NAV1: variants seen among roughly 807,000 people sequenced by gnomAD.
The protein encoded by NAV1 is neuron navigator 1.
A neutral mutation model predicts 175.2 loss-of-function variants in NAV1; 18 were observed. That is an observed-to-expected ratio of 0.10 (90% CI 0.07 to 0.15). The LOEUF is 0.15. NAV1 is among the 10% of genes least tolerant of loss of function. NAV1 has a pLI of 1.00. For missense variants in NAV1, 1,731 were observed against 2,436.6 expected (o/e 0.71, Z 6.10); for synonymous variants, 897 against 978.7 (o/e 0.92, Z 1.56).
intron 1 of NAV1, among the ~76,000 whole-genome samples, chr1:201,703,705 C>T (rs1477443583): frequency 6.6e-6 from 1 of 152,246 alleles, no homozygotes; most frequent in Non-Finnish European, 1.5e-5. Context: ...CACTTTTGCA[C>T]ACGGCTGAGC....
At chr1:201,701,214 A>G (rs938425984) in intron 1 of NAV1, among the ~76,000 whole-genome samples, 1 of 146,090 alleles carries the variant, frequency 6.8e-6, no homozygotes, top group African/African-American at 2.5e-5. Context: ...TTGAACAATG[A>G]GAACACTTGG....
rs139696850 is a variant in NAV1 at position 201,586,440 on chromosome 1, T to C, written c.-143-2099T>C. Among the ~76,000 whole-genome samples, 14 of 152,332 alleles carry C rather than the reference T, an allele frequency of 9.2e-5. No individual in the cohort carries two copies. The East Asian group carries it at 2.7e-3, about 29-fold the overall frequency. On this transcript the variant is annotated intron_variant, in intron 1 of 33. Transcript: ENST00000685211. Reference sequence around the variant, plus strand: ...ATCAATACCACCTGTATTAGCCTGCTTGGGCTGCCATAACAAAGTGCCACA... The same window carrying C: ...ATCAATACCACCTGTATTAGCCTGCCTGGGCTGCCATAACAAAGTGCCACA...
intron 2 of NAV1, among the ~76,000 whole-genome samples, chr1:201,602,661 T>G (rs1316351307): frequency 3.4e-5 from 4 of 117,868 alleles, no homozygotes; most frequent in African/African-American, 1.2e-4. Flanking sequence ...GTTTTTTTTT[T>G]TTTTGGTTTT....
chr1:201,809,834 T>C, intron 22 of NAV1, 112 bp from the exon 27 acceptor site: 2 of 1,064,568 alleles, frequency 1.9e-6, no homozygotes, highest in Non-Finnish European at 2.7e-6. Flanking sequence ...GAAAAGCATA[T>C]GCTCTGCACT....
At chr1:201,725,322 T>G (rs1335844141) in intron 3 of NAV1, among the ~76,000 whole-genome samples, 1 of 152,210 alleles carries the variant, frequency 6.6e-6, no homozygotes, top group Non-Finnish European at 1.5e-5. Flanking sequence ...GCGGGACAGC[T>G]GGGCCAGGCC....
In NAV1 at chr1:201,599,540, T is replaced by G. The variant is rs6694828; in HGVS notation, c.-33+10891T>G. ...CCCACAGGTGGTACAGAAGAATGGA[T>G]TCTCTGGCAGTTCAGAGTCTGTGGC... On this transcript the variant is annotated intron_variant, in intron 2 of 33. Transcript: ENST00000685211. Among the ~76,000 whole-genome samples the G allele has an allele frequency of 2.0e-3, 309 of 152,296 alleles. 3 individuals are homozygous for G. Among genetic ancestry groups the G allele is most frequent in the African/African-American group, 7.3e-3 (303 of 41,556 alleles).
intron 1 of NAV1, among the ~76,000 whole-genome samples, chr1:201,711,808 A>C (rs2102468802): frequency 6.6e-6 from 1 of 152,346 alleles, no homozygotes; most frequent in Non-Finnish European, 1.5e-5. Flanking sequence ...CTTAGGGCCC[A>C]GGGTGGTGCC....
At chr1:201,783,309 G>C in intron 6 of NAV1, 97 bp from the exon 11 acceptor site, 1 of 1,234,922 alleles carries the variant, frequency 8.1e-7, no homozygotes, top group South Asian at 1.4e-5. Context: ...TTAGCAAATA[G>C]GCAGAAAACA....
chr1:201,662,371 C>T (rs923529007), intron 1 of NAV1, among the ~76,000 whole-genome samples: 10 of 152,268 alleles, frequency 6.6e-5, no homozygotes, highest in Non-Finnish European at 1.5e-4. Context: ...TTCTGCACAC[C>T]TATCCTTTAG....
chr1:201,742,785 G>A (rs1453604308), intron 3 of NAV1, among the ~76,000 whole-genome samples: 1 of 152,124 alleles, frequency 6.6e-6, no homozygotes, highest in Admixed American at 6.5e-5. Flanking sequence ...CCAAGCCAAT[G>A]AGCTGCTTCT....
chr1:201,818,569 G>A (rs1679207177), intron 29 of NAV1, among the ~76,000 whole-genome samples: 1 of 150,836 alleles, frequency 6.6e-6, no homozygotes, highest in African/African-American at 2.4e-5. Flanking sequence ...TTTGGCTAGA[G>A]CAAATGCAAA....
intron 3 of NAV1, chr1:201,739,730 T>G: frequency 8.8e-7 from 1 of 1,132,124 alleles, no homozygotes; most frequent in Non-Finnish European, 1.1e-6. Flanking sequence ...CGGTGGCTCT[T>G]TGTCTACCTG....
At chr1:201,604,400 G>T (rs945643093) in intron 2 of NAV1, among the ~76,000 whole-genome samples, 5 of 152,108 alleles carry the variant, frequency 3.3e-5, no homozygotes, top group African/African-American at 1.2e-4. Flanking sequence ...TCATGGGCCG[G>T]GTGTACAACG....
chr1:201,584,653 C>T (rs1185225211), intron 1 of NAV1, among the ~76,000 whole-genome samples: 3 of 152,182 alleles, frequency 2.0e-5, no homozygotes, highest in Non-Finnish European at 4.4e-5. Flanking sequence ...TATGAAAGCC[C>T]TCCTCAGTCT....
intron 1 of NAV1, among the ~76,000 whole-genome samples, chr1:201,572,724 T>C (rs1558002369): frequency 1.3e-5 from 2 of 152,126 alleles, no homozygotes; most frequent in African/African-American, 4.8e-5. Context: ...TAGGAATGAC[T>C]GTCTTATACC....
exon 30 of NAV1, chr1:201,824,672 ATTC>A (rs1679573550): frequency 1.3e-5 from 2 of 152,134 alleles, no homozygotes; most frequent in East Asian, 1.9e-4. Flanking sequence ...TGGTTTGGTC[ATTC>A]TTCTTCATGA....
At chr1:201,728,960 A>G (rs1438194458) in intron 3 of NAV1, among the ~76,000 whole-genome samples, 3 of 152,228 alleles carry the variant, frequency 2.0e-5, no homozygotes, top group Non-Finnish European at 4.4e-5. Context: ...AGTGTGTCCT[A>G]GTAACCTACA....
chr1:201,688,211 C>T (rs1670757027), intron 1 of NAV1: 1 of 152,392 alleles, frequency 6.6e-6, no homozygotes, highest in South Asian at 2.1e-4. Flanking sequence ...CCCTGTGTGC[C>T]AGGCCTTGGA....
chr1:201,734,414 A>G (rs1226534462), intron 3 of NAV1, among the ~76,000 whole-genome samples: 1 of 150,574 alleles, frequency 6.6e-6, no homozygotes, highest in East Asian at 1.9e-4. Flanking sequence ...GTCTCAAAAA[A>G]GAAAAAAAGA....
Sources: gnomAD v4.1 joint callset for allele counts (sites outside exome capture counted in the v4.1 genomes callset) on GRCh38, gnomAD v4.1.1 for gene constraint, MANE v1.5 for transcripts, NCBI Gene and HGNC (gene_info 2026-07-23, HGNC 2026-07-21) for gene names.